Variants in TCF20 observed in about 807,000 individuals in gnomAD.
TCF20 encodes transcription factor 20.
A neutral mutation model predicts 148.6 loss-of-function variants in TCF20; 3 were observed. The observed-to-expected ratio is 0.02, with a 90% CI of 0.01 to 0.05. The LOEUF (loss-of-function observed/expected upper bound fraction) is 0.05. Among genes scored for constraint, TCF20 ranks in the 10% least tolerant of loss-of-function variants. The pLI, the probability that TCF20 is intolerant of heterozygous loss-of-function variation, is 1.00. For synonymous variants in TCF20, 1,049 were observed against 909.5 expected, an observed-to-expected ratio of 1.15 and a Z score of -2.76; for missense variants, 2,350 against 2,429.3, an observed-to-expected ratio of 0.97 and a Z score of 0.69.
intron 1 of TCF20, among the ~76,000 whole-genome samples, chr22:42,230,297 T>A (rs1042750510): frequency 2.0e-5 from 3 of 152,224 alleles, no homozygotes; most frequent in Non-Finnish European, 4.4e-5. Flanking sequence ...GCTGTAGCTG[T>A]CATAATGCAA....
At chr22:42,246,004 C>T (rs184280510) in intron 1 of TCF20, among the ~76,000 whole-genome samples, 1 of 152,332 alleles carries the variant, frequency 6.6e-6, no homozygotes, top group Non-Finnish European at 1.5e-5. Flanking sequence ...AGTACTAGGA[C>T]TCATCCCCAA....
At chr22:42,170,007 TACTTCTAATAGGAAA>T (rs1428969684) in intron 3 of TCF20, 111 bp from the exon 4 acceptor site, 2 of 992,638 alleles carry the variant, frequency 2.0e-6, no homozygotes, top group Admixed American at 4.5e-5. Flanking sequence ...TCGCTACACT[TACTTCTAATAGGAAA>T]ACATTAGAGA....
Position 42,279,259 on chromosome 22 carries a change from C to A in TCF20, c.-37+4568G>T. Among the ~76,000 whole-genome samples, 1 of 152,208 alleles carries A rather than the reference C, an allele frequency of 6.6e-6. No homozygotes were observed. The highest frequency in any genetic ancestry group is 3.4e-3 in the Middle Eastern group (1 of 294). On this transcript the variant is annotated intron_variant, in intron 1 of 5. Transcript: ENST00000359486. This position sits in a 1 kb window ranked among gnomAD's most constrained non-coding sequence, Gnocchi z 4.3. ...GTGGCTCATACCTGTAGTCCCAGCACTTTGGGAGGCTGAGGCGGGCGGATC... is the reference window on the plus strand; with the variant it reads ...GTGGCTCATACCTGTAGTCCCAGCAATTTGGGAGGCTGAGGCGGGCGGATC...
chr22:42,221,028 C>T (rs183918351), intron 1 of TCF20, among the ~76,000 whole-genome samples: 2 of 152,290 alleles, frequency 1.3e-5, no homozygotes, highest in Admixed American at 6.5e-5. Flanking sequence ...AACTCAGCAT[C>T]GTGACCACCC....
At chr22:42,188,369 T>C (rs1438264903) in intron 2 of TCF20, among the ~76,000 whole-genome samples, 1 of 135,746 alleles carries the variant, frequency 7.4e-6, no homozygotes, top group Non-Finnish European at 1.6e-5. Flanking sequence ...ACCTCTGCAA[T>C]AATGTGAAGG....
At chr22:42,245,266 T>C (rs150050467) in intron 1 of TCF20, among the ~76,000 whole-genome samples, 175 of 152,234 alleles carry the variant, frequency 1.1e-3, no homozygotes, top group African/African-American at 4.0e-3. Context: ...TTTAATTTTG[T>C]AGAGACGAGG....
Position 42,212,166 on chromosome 22 carries a change from G to A in TCF20, c.3140C>T (p.Ser1047Phe). ...MTFSERANRS[S>F]LHTPFSPNSE... ...GTTGGGAGAAAAGGGAGTGTGTAAA[G>A]AACTCCGGTTAGCCCTCTCTGAAAA... Residue 1047 changes from serine (S) to phenylalanine (F), a missense_variant, in exon 2 of 6, where the codon TCT (serine) becomes TTT (phenylalanine). By Grantham distance (155) the Ser-to-Phe change is radical (BLOSUM62 -2). This residue lies in a region of TCF20 where 1,641 missense variants were observed against 1,662.6 expected (regional missense o/e 0.99). Transcript: ENST00000677622. 1 of 1,614,214 alleles carries A rather than the reference G, an allele frequency of 6.2e-7. No homozygotes were observed. Among genetic ancestry groups the A allele is most frequent in the Non-Finnish European group, 8.5e-7 (1 of 1,180,042 alleles).
At chr22:42,289,199 G>A (rs1239969665) in intron 1 of TCF20, among the ~76,000 whole-genome samples, 1 of 152,156 alleles carries the variant, frequency 6.6e-6, no homozygotes, top group African/African-American at 2.4e-5. Flanking sequence ...TCTTAAAACA[G>A]GCACCCGCTT....
intron 1 of TCF20, among the ~76,000 whole-genome samples, chr22:42,311,350 G>T (rs1005574696): frequency 1.3e-5 from 2 of 152,236 alleles, no homozygotes; most frequent in Non-Finnish European, 2.9e-5. Flanking sequence ...GGCACTGAAT[G>T]GTGTGTCATA....
chr22:42,167,519 AT>A (rs34427781), intron 5 of TCF20, among the ~76,000 whole-genome samples: 26,979 of 152,098 alleles, frequency 0.18, 2,666 homozygotes, highest in East Asian at 0.33. Flanking sequence ...CACAAGGTAC[AT>A]TTTGGTTTTT....
intron 1 of TCF20, among the ~76,000 whole-genome samples, chr22:42,249,620 T>G (rs895086904): frequency 1.3e-5 from 2 of 152,210 alleles, no homozygotes; most frequent in African/African-American, 4.8e-5. Context: ...GGCTTTCAAA[T>G]AGACAGTATA....
intron 1 of TCF20, among the ~76,000 whole-genome samples, chr22:42,234,697 A>G (rs1363359778): frequency 2.0e-5 from 3 of 152,212 alleles, no homozygotes; most frequent in Non-Finnish European, 4.4e-5. Context: ...TATTTCAAAT[A>G]TATTAAAAAC....
intron 1 of TCF20, among the ~76,000 whole-genome samples, chr22:42,264,954 T>G (rs769359618): frequency 2.6e-5 from 4 of 152,230 alleles, no homozygotes; most frequent in Non-Finnish European, 4.4e-5. Context: ...TCCAATGAAT[T>G]TCTACTCTTT....
intron 1 of TCF20, among the ~76,000 whole-genome samples, chr22:42,336,480 C>A (rs915113448): frequency 6.6e-6 from 1 of 152,084 alleles, no homozygotes; most frequent in Non-Finnish European, 1.5e-5. Flanking sequence ...TTCCCTCCCC[C>A]ACCTCCCCAT....
At position 42,290,058 on chromosome 22, in the gene TCF20, C is replaced by G. The variant is rs1387847195; in HGVS notation, c.-37+53421G>C. On this transcript the variant is annotated intron_variant, in intron 1 of 1. Transcript: ENST00000515426. The surrounding 1 kb of genome is among the most constrained non-coding windows in gnomAD (Gnocchi z 4.2). Reference sequence around the variant, plus strand: ...ATTAATTCTCCACAGCCGGCTCACTCCCGCCGCACGCATGCGCCCCCTGCA... The same window carrying G: ...ATTAATTCTCCACAGCCGGCTCACTGCCGCCGCACGCATGCGCCCCCTGCA... Among the ~76,000 whole-genome samples, 1 of 152,246 alleles carries G rather than the reference C, an allele frequency of 6.6e-6. No individual in the cohort carries two copies. Among genetic ancestry groups the G allele is most frequent in the Admixed American group, 6.5e-5 (1 of 15,290 alleles).
At chr22:42,216,256 TCTG>T in intron 1 of TCF20, among the ~76,000 whole-genome samples, 1 of 152,052 alleles carries the variant, frequency 6.6e-6, no homozygotes. Context: ...CTTTCATTTC[TCTG>T]CTTTCATGTA....
intron 1 of TCF20, among the ~76,000 whole-genome samples, chr22:42,218,355 T>TC (rs1450225188): frequency 1.3e-5 from 2 of 152,172 alleles, no homozygotes. Flanking sequence ...TGCCACCCTC[T>TC]TATAAGGACC....
At chr22:42,320,743 A>G (rs978104370) in intron 1 of TCF20, among the ~76,000 whole-genome samples, 1 of 152,260 alleles carries the variant, frequency 6.6e-6, no homozygotes, top group African/African-American at 2.4e-5. Context: ...CTGGAGCTCC[A>G]GAGCCATCCC....
At chr22:42,324,644 C>T (rs368867540) in intron 1 of TCF20, among the ~76,000 whole-genome samples, 4 of 136,046 alleles carry the variant, frequency 2.9e-5, no homozygotes, top group African/African-American at 2.7e-5. Context: ...CTCCACCATT[C>T]GAGAAAAAAT....
Sources: allele counts gnomAD v4.1 joint callset (sites outside exome capture counted in the v4.1 genomes callset), GRCh38; gene constraint gnomAD v4.1.1; regional missense constraint gnomAD v4.1.1; non-coding constraint Gnocchi (gnomAD v3.1); transcripts MANE v1.5; gene names NCBI Gene and HGNC (gene_info 2026-07-23, HGNC 2026-07-21).